Variants in TASOR2 observed in about 807,000 individuals in gnomAD.
TASOR2 encodes the protein protein TASOR 2.
TASOR2 carries 84 observed loss-of-function variants against 199.5 expected under a neutral mutation model. That is an observed-to-expected ratio of 0.42 (90% CI 0.35 to 0.50). The LOEUF is 0.50. Among genes scored for constraint, TASOR2 ranks in the 20% least tolerant of loss-of-function variants. The probability of loss-of-function intolerance (pLI) is 0.02; values close to 1 mark genes in which losing one functional copy is unlikely to be tolerated. For synonymous variants in TASOR2, 1,103 were observed against 1,046.6 expected, an observed-to-expected ratio of 1.05 and a Z score of -1.04; for missense variants, 2,796 against 2,835.9, an observed-to-expected ratio of 0.99 and a Z score of 0.32.
chr10:5,718,713 C>T (rs150382151), intron 3 of TASOR2, among the ~76,000 whole-genome samples: 2,008 of 150,112 alleles, frequency 0.013, 46 homozygotes, highest in African/African-American at 0.047. Context: ...GAGCCAAGAT[C>T]ACGCCACTGC....
Position 5,699,282 on chromosome 10 carries a change from A to G in TASOR2, c.-287-13541A>G, listed in dbSNP as rs1295247536. 6.6e-6 allele frequency among the ~76,000 whole-genome samples: 1 copy of G among 152,198 alleles called. No homozygotes were observed. Among genetic ancestry groups the G allele is most frequent in the African/African-American group, 2.4e-5 (1 of 41,466 alleles). On this transcript the variant is annotated intron_variant, in intron 1 of 20. Coordinates refer to ENST00000328090, the Ensembl canonical transcript of TASOR2. The surrounding 1 kb of genome is among the most constrained non-coding windows in gnomAD (Gnocchi z 4.1). ...AATGGTCTGGAATAGGCAAATCTGT[A>G]GAGACCGAAAGTAAATTATGGTTTC... is the stretch of plus-strand genomic sequence containing the variant.
intron 11 of TASOR2, among the ~76,000 whole-genome samples, chr10:5,734,410 G>C (rs1835271611): frequency 6.6e-6 from 1 of 152,110 alleles, no homozygotes; most frequent in East Asian, 1.9e-4. Flanking sequence ...CATTGTGTAA[G>C]ATAGCAGATT....
intron 1 of TASOR2, chr10:5,709,807 A>T (rs1831680059): frequency 1.7e-5 from 12 of 696,544 alleles, no homozygotes; most frequent in Non-Finnish European, 2.0e-5. Context: ...TTTTAAAATA[A>T]TCATTAGTCC....
In TASOR2 at chr10:5,699,624, A is replaced by G. The variant is rs1837560011; in HGVS notation, c.-287-13199A>G. ...CAGCCAGACAACAGTAGAGTGTGAAATGGGAACCAGCAGAAAAAAAGAAAT... is the reference window on the plus strand; with the variant it reads ...CAGCCAGACAACAGTAGAGTGTGAAGTGGGAACCAGCAGAAAAAAAGAAAT... On this transcript the variant is annotated intron_variant, in intron 1 of 20. Transcript: ENST00000328090. The surrounding 1 kb of genome is among the most constrained non-coding windows in gnomAD (Gnocchi z 4.1). The G allele has an allele frequency of 6.0e-6, 1 of 168,024 alleles. No individual in the cohort carries two copies. Among genetic ancestry groups the G allele is most frequent in the Admixed American group, 6.5e-5 (1 of 15,282 alleles). The allele number at this position is 168,024 out of a possible 1,614,324, so 10.4% of individuals were successfully genotyped here.
chr10:5,718,788 G>C (rs1588705426), intron 3 of TASOR2, among the ~76,000 whole-genome samples: 1 of 151,044 alleles, frequency 6.6e-6, no homozygotes, highest in Non-Finnish European at 1.5e-5. Flanking sequence ...AGTGGTGGGG[G>C]AGTAACATTG....
chr10:5,715,072 G>A (rs1458171923), intron 2 of TASOR2, among the ~76,000 whole-genome samples: 1 of 152,138 alleles, frequency 6.6e-6, no homozygotes, highest in African/African-American at 2.4e-5. Flanking sequence ...AGAGCAGTCT[G>A]TTACCTGGAG....
rs913283723 is a variant in TASOR2, at chr10:5,752,477, A to G, written c.6606+2450A>G. Among the ~76,000 whole-genome samples, 2 of 152,172 alleles carry G rather than the reference A, an allele frequency of 1.3e-5. No individual in the cohort carries two copies. ...CACGTGCAGGCCGTGTGTCGGCTCC[A>G]CATGCCCACTGGGTCTGTCTCAGAC... is the stretch of plus-strand genomic sequence containing the variant. On this transcript the variant is annotated intron_variant, in intron 15 of 20. Coordinates refer to ENST00000328090, the Ensembl canonical transcript of TASOR2. This position sits in a 1 kb window ranked among gnomAD's most constrained non-coding sequence, Gnocchi z 4.4.
At chr10:5,741,737 A>C (rs1019760951) in intron 13 of TASOR2, among the ~76,000 whole-genome samples, 4 of 152,324 alleles carry the variant, frequency 2.6e-5, no homozygotes, top group South Asian at 4.1e-4. Context: ...GGTGATGAGG[A>C]TTTGGGTATT....
chr10:5,730,467 T>C lies in TASOR2; in HGVS notation c.488-20T>C. On this transcript the variant is annotated intron_variant, in intron 10 of 20. Transcript: ENST00000328090. This position sits in a 1 kb window ranked among gnomAD's most constrained non-coding sequence, Gnocchi z 4.1. ...TAAAAAATAAACTTCAGATGTTTAATACGTGTGTATATATTCTAGGGGTGA... is the reference window on the plus strand; with the variant it reads ...TAAAAAATAAACTTCAGATGTTTAACACGTGTGTATATATTCTAGGGGTGA... 1 of 1,488,330 alleles carries C rather than the reference T, an allele frequency of 6.7e-7. No homozygotes were observed. Among genetic ancestry groups the C allele is most frequent in the Non-Finnish European group, 9.0e-7 (1 of 1,108,944 alleles). 92.2% of individuals were successfully genotyped at this position (1,488,330 alleles called of 1,614,324 possible).
At position 5,720,811 on chromosome 10, in the gene TASOR2, T is replaced by C; in HGVS notation, c.46+37T>C. 6.3e-7 allele frequency: 1 copy of C among 1,599,152 alleles called. No homozygotes were observed. The stretch of plus-strand genomic sequence containing the variant: ...TTCATTGATTCTTTTAGGTTTTTTT[T>C]TTCTTGAGTAAATGTTTCATCATAA... On this transcript the variant is annotated intron_variant, in intron 5 of 20. Transcript: ENST00000328090. This position sits in a 1 kb window ranked among gnomAD's most constrained non-coding sequence, Gnocchi z 5.3.
At position 5,742,283 on chromosome 10, in the gene TASOR2, T is replaced by G. The variant is rs1366010233; in HGVS notation, c.2514T>G (p.Ile838Met). The stretch of plus-strand genomic sequence containing the variant: ...TAGAATCTTGTGAGCTCCGTGAAAT[T>G]GAGGAGTCCCTTGGTTTGGAAAAAT... The change falls in exon 14 of 21, where the codon ATT (isoleucine) becomes ATG (methionine). Residue 838 changes from isoleucine (I) to methionine (M), a missense_variant. Ile to Met is a conservative substitution (Grantham distance 10). Coordinates refer to ENST00000328090, the Ensembl canonical transcript of TASOR2. This position sits in a 1 kb window ranked among gnomAD's most constrained non-coding sequence, Gnocchi z 4.2. The G allele has an allele frequency of 6.2e-7, 1 of 1,614,068 alleles. No homozygotes were observed. Among genetic ancestry groups the G allele is most frequent in the Non-Finnish European group, 8.5e-7 (1 of 1,180,022 alleles).
chr10:5,749,521 A>G lies in TASOR2; in HGVS notation c.6100A>G (p.Arg2034Gly), dbSNP rs760489094. ...GGCCCCATTTCTGCATCCTGCACCT[A>G]GGAGCAGAAGCCCCCTTCTGGTAAC... The change falls in exon 15 of 21, where the codon AGG becomes GGG. Residue 2034 changes from arginine (R) to glycine (G), a missense_variant. Around this residue, in one of 3 missense-constraint regions of TASOR2, gnomAD observed 1,941 missense variants for 1,924.9 expected, o/e 1.01. Coordinates refer to ENST00000328090, the Ensembl canonical transcript of TASOR2. 2.0e-5 allele frequency: 33 copies of G among 1,613,970 alleles called. No individual in the cohort carries two copies. The highest frequency in any genetic ancestry group is 2.5e-5 in the Non-Finnish European group (30 of 1,180,050).
intron 10 of TASOR2, among the ~76,000 whole-genome samples, chr10:5,728,637 A>G (rs1297600901): frequency 2.0e-5 from 3 of 152,098 alleles, no homozygotes; most frequent in African/African-American, 7.2e-5. Context: ...AAACAAAACA[A>G]TTCAGTTACT....
rs1220771154 is a variant in TASOR2, at chr10:5,685,792, G to A, written c.-288+617G>A. On this transcript the variant is annotated intron_variant, in intron 1 of 20. Coordinates refer to ENST00000328090, the Ensembl canonical transcript of TASOR2. This position sits in a 1 kb window ranked among gnomAD's most constrained non-coding sequence, Gnocchi z 5.4. ...GGAAGATTACTTTGGGAATTCTCAA[G>A]TTTCTCTTAGTCGCTTCTTGTCTAT... Among the ~76,000 whole-genome samples, 2 of 152,210 alleles carry A rather than the reference G, an allele frequency of 1.3e-5. No individual in the cohort carries two copies. The highest frequency in any genetic ancestry group is 4.8e-5 in the African/African-American group (2 of 41,454).
rs778673348 is a variant in TASOR2 at position 5,721,866 on chromosome 10, G to A, written c.146+896G>A. ...GATACCATCTTAACTCAGCAGTTAA[G>A]TTAATGATAGACCTATCCTGATTCA... On this transcript the variant is annotated intron_variant, in intron 6 of 20. Coordinates refer to ENST00000328090, the Ensembl canonical transcript of TASOR2. 9.2e-4 allele frequency among the ~76,000 whole-genome samples: 140 copies of A among 152,292 alleles called. 1 individual carries two copies. The highest frequency in any genetic ancestry group is 1.9e-3 in the South Asian group (9 of 4,824).
At chr10:5,692,296 A>G (rs1357385328) in intron 1 of TASOR2, among the ~76,000 whole-genome samples, 1 of 152,214 alleles carries the variant, frequency 6.6e-6, no homozygotes, top group East Asian at 1.9e-4. Flanking sequence ...ACGAAGAGTT[A>G]TAATAACTTG....
chr10:5,728,999 C>T (rs1381101049), intron 10 of TASOR2, among the ~76,000 whole-genome samples: 2 of 151,948 alleles, frequency 1.3e-5, no homozygotes, highest in Non-Finnish European at 2.9e-5. Context: ...TTAAAATTCT[C>T]ACATAAATAT....
At chr10:5,705,244 T>C (rs982582813) in intron 1 of TASOR2, among the ~76,000 whole-genome samples, 1 of 152,228 alleles carries the variant, frequency 6.6e-6, no homozygotes, top group African/African-American at 2.4e-5. Context: ...GAACTGTATA[T>C]GTATAGAATT....
rs1157635195 is a variant in TASOR2, at chr10:5,723,488, G to A, written c.147-189G>A. 2.0e-5 allele frequency among the ~76,000 whole-genome samples: 3 copies of A among 151,924 alleles called. No individual in the cohort carries two copies. The South Asian group carries it at 6.2e-4, about 32-fold the overall frequency. On this transcript the variant is annotated intron_variant, in intron 6 of 20. Transcript: ENST00000328090. ...GATGTGAACATATTTGCAGACCATG[G>A]TTTATGGGTCATATATTTGAAAATC...
Sources: gnomAD v4.1 joint callset for allele counts (sites outside exome capture counted in the v4.1 genomes callset) on GRCh38, gnomAD v4.1.1 for gene constraint, gnomAD v4.1.1 regional missense constraint, Gnocchi (gnomAD v3.1) non-coding constraint, MANE v1.5 for transcripts, NCBI Gene and HGNC (gene_info 2026-07-23, HGNC 2026-07-21) for gene names.